CTNND2: variants seen among roughly 807,000 people sequenced by gnomAD.
CTNND2 encodes catenin delta 2, also known as catenin delta-2.
CTNND2 carries 22 observed loss-of-function variants against 144.4 expected under a neutral mutation model. That is an observed-to-expected ratio of 0.15 (90% confidence interval 0.11 to 0.22). The LOEUF is 0.22. Ranked by LOEUF, CTNND2 falls within the 10% of genes least tolerant of loss-of-function variation. The pLI, the probability that CTNND2 is intolerant of heterozygous loss-of-function variation, is 1.00. For missense variants in CTNND2, 1,353 were observed against 1,618.8 expected, an observed-to-expected ratio of 0.84 and a Z score of 2.82; for synonymous variants, 751 against 695.6, an observed-to-expected ratio of 1.08 and a Z score of -1.25.
At chr5:11,325,846 T>C (rs1371053698) in intron 9 of CTNND2, among the ~76,000 whole-genome samples, 1 of 151,612 alleles carries the variant, frequency 6.6e-6, no homozygotes, top group Non-Finnish European at 1.5e-5. Context: ...CTGGCCAGCA[T>C]TCCTTCAACA....
chr5:11,469,514 A>C (rs1326182491), intron 3 of CTNND2, among the ~76,000 whole-genome samples: 2 of 152,296 alleles, frequency 1.3e-5, no homozygotes, highest in African/African-American at 2.4e-5. Context: ...ATGCACGTTC[A>C]GAGAAGTCAG....
At chr5:11,839,169 T>G (rs1252659410) in intron 1 of CTNND2, among the ~76,000 whole-genome samples, 1 of 152,014 alleles carries the variant, frequency 6.6e-6, no homozygotes, top group African/African-American at 2.4e-5. Context: ...GTGGTACAGA[T>G]GGACATTTGA....
At chr5:11,313,462 A>C (rs1174457952) in intron 9 of CTNND2, among the ~76,000 whole-genome samples, 1 of 152,184 alleles carries the variant, frequency 6.6e-6, no homozygotes, top group Non-Finnish European at 1.5e-5. Flanking sequence ...AACAACTGGA[A>C]TTCCTGCCTG....
At position 11,470,633 on chromosome 5, in the gene CTNND2, C is replaced by T. The variant is rs531582405; in HGVS notation, c.288-58564G>A. ...TAATGTCCTTTTTCTGTCCCACGAC[C>T]CCCTCCAGGATTCCACATTGCATTT... On this transcript the variant is annotated intron_variant, in intron 3 of 21. Transcript: ENST00000304623. 3.3e-5 allele frequency among the ~76,000 whole-genome samples: 5 copies of T among 152,132 alleles called. 1 individual carries two copies. The highest frequency in any genetic ancestry group is 1.9e-4 in the East Asian group (1 of 5,172).
At chr5:11,613,925 A>G (rs1265842607) in intron 2 of CTNND2, among the ~76,000 whole-genome samples, 2 of 152,214 alleles carry the variant, frequency 1.3e-5, no homozygotes, top group Non-Finnish European at 2.9e-5. Context: ...AATTGCTTTA[A>G]GTCCTTTAAG....
intron 1 of CTNND2, among the ~76,000 whole-genome samples, chr5:11,792,732 C>T (rs545727457): frequency 6.6e-6 from 1 of 152,306 alleles, no homozygotes; most frequent in East Asian, 1.9e-4. Context: ...TCCATGGTTA[C>T]TTCCACCAAT....
intron 2 of CTNND2, among the ~76,000 whole-genome samples, chr5:11,682,163 G>A (rs995218329): frequency 2.0e-5 from 3 of 152,162 alleles, no homozygotes; most frequent in Non-Finnish European, 2.9e-5. Context: ...GACATGCATC[G>A]GCGGCACACT....
intron 2 of CTNND2, among the ~76,000 whole-genome samples, chr5:11,688,898 C>T (rs1409575988): frequency 6.6e-6 from 1 of 152,144 alleles, no homozygotes; most frequent in African/African-American, 2.4e-5. Flanking sequence ...AGGAAGAATT[C>T]CATTCTGCAT....
chr5:11,726,733 C>G (rs897823343), intron 2 of CTNND2, among the ~76,000 whole-genome samples: 1 of 152,152 alleles, frequency 6.6e-6, no homozygotes, highest in Non-Finnish European at 1.5e-5. Context: ...TAGCATATAA[C>G]ACCCTAGTCT....
chr5:11,571,940 T>C (rs879434975), intron 2 of CTNND2, among the ~76,000 whole-genome samples: 13 of 152,168 alleles, frequency 8.5e-5, no homozygotes, highest in Non-Finnish European at 1.6e-4. Flanking sequence ...ACCCTAAAAA[T>C]TGATGGCCTC....
intron 1 of CTNND2, among the ~76,000 whole-genome samples, chr5:11,865,131 G>A (rs933189331): frequency 1.3e-5 from 2 of 152,182 alleles, no homozygotes; most frequent in Admixed American, 6.5e-5. Flanking sequence ...CCGACCTCAG[G>A]TGATCCGCGT....
rs182898896 is a variant in CTNND2, at chr5:11,311,643, A to G, written c.1628+34729T>C. Among the ~76,000 whole-genome samples the G allele has an allele frequency of 4.5e-3, 590 of 129,916 alleles. 6 individuals are homozygous for G. The highest frequency in any genetic ancestry group is 5.2e-3 in the Non-Finnish European group (322 of 62,234). The allele number at this position is 129,916 out of a possible 152,430, so 85.2% of individuals were successfully genotyped here. A position where few individuals can be genotyped will look rare whatever the true frequency, so the allele number is the denominator to read the frequency against. ...GCACCCTCACCCCACATGCACTCAC[A>G]CTCCCGATATACCCTCAACTCATGT... On this transcript the variant is annotated intron_variant, in intron 9 of 21. Transcript: ENST00000304623.
intron 2 of CTNND2, among the ~76,000 whole-genome samples, chr5:11,694,688 A>G (rs1785065822): frequency 1.3e-5 from 2 of 152,216 alleles, no homozygotes; most frequent in African/African-American, 4.8e-5. Flanking sequence ...AATACTGAGG[A>G]TGGATTGTAT....
At chr5:11,466,886 T>C (rs887425435) in intron 3 of CTNND2, among the ~76,000 whole-genome samples, 11 of 152,234 alleles carry the variant, frequency 7.2e-5, no homozygotes, top group African/African-American at 2.4e-4. Context: ...CACATGCGTG[T>C]ACTGCAGCAA....
intron 3 of CTNND2, among the ~76,000 whole-genome samples, chr5:11,518,743 T>A (rs1489638694): frequency 6.6e-6 from 1 of 152,234 alleles, no homozygotes; most frequent in African/African-American, 2.4e-5. Context: ...TACAGTAACC[T>A]GCTGTACAGG....
chr5:11,671,617 T>G lies in CTNND2; in HGVS notation c.174+60519A>C, dbSNP rs530667542. 6.6e-5 allele frequency among the ~76,000 whole-genome samples: 10 copies of G among 152,060 alleles called. No individual in the cohort carries two copies. In the East Asian group the frequency reaches 1.9e-3, roughly 30 times the overall value. ...TCATGAAGTTCTCATGCTGTTTTCT[T>G]CAGCTCCATCAAGTCATTTATGTTC... On this transcript the variant is annotated intron_variant, in intron 2 of 21. Coordinates refer to ENST00000304623, the MANE Select transcript of CTNND2 (RefSeq NM_001332.4).
intron 1 of CTNND2, among the ~76,000 whole-genome samples, chr5:11,772,139 T>C (rs888074488): frequency 1.3e-5 from 2 of 152,228 alleles, no homozygotes; most frequent in East Asian, 1.9e-4. Context: ...ATAGCAGAAA[T>C]TGATTTTCTA....
intron 14 of CTNND2, among the ~76,000 whole-genome samples, chr5:11,101,768 T>A (rs1580287603): frequency 6.6e-6 from 1 of 152,148 alleles, no homozygotes; most frequent in South Asian, 2.1e-4. Context: ...TGTCATCAAG[T>A]CAGGAGAGAG....
chr5:11,205,237 C>T (rs1162284976), intron 10 of CTNND2, among the ~76,000 whole-genome samples: 2 of 152,194 alleles, frequency 1.3e-5, no homozygotes, highest in South Asian at 2.1e-4. Flanking sequence ...AGTATACACA[C>T]ACACACAAAC....
Sources: gnomAD v4.1 joint callset for allele counts (sites outside exome capture counted in the v4.1 genomes callset) on GRCh38, gnomAD v4.1.1 for gene constraint, MANE v1.5 for transcripts, NCBI Gene and HGNC (gene_info 2026-07-23, HGNC 2026-07-21) for gene names.